ASMTL: variants seen among roughly 807,000 people sequenced by gnomAD.
The protein encoded by ASMTL is probable bifunctional dTTP/UTP pyrophosphatase/methyltransferase protein.
Under a neutral mutation model 60.3 loss-of-function variants are expected in ASMTL, and 57 were observed. That is an observed-to-expected ratio of 0.95 (90% CI 0.76 to 1.18). The LOEUF (loss-of-function observed/expected upper bound fraction) is 1.18. Ranked by LOEUF, ASMTL falls within the 50% of genes most tolerant of loss-of-function variation. The probability of loss-of-function intolerance (pLI) is 0.00; values close to 1 mark genes in which losing one functional copy is unlikely to be tolerated. For missense variants in ASMTL, 981 were observed against 852.6 expected (o/e 1.15, Z -1.88); for synonymous variants, 419 against 373.0 (o/e 1.12, Z -1.42).
In ASMTL at chrX:1,421,688, C is replaced by A. The variant is rs371234749; in HGVS notation, c.1215G>T (p.Ala405=). The change falls in exon 9 of 13, where the codon GCG becomes GCT. Residue 405 remains alanine (A), a synonymous_variant. Coordinates refer to ENST00000381317, the MANE Select transcript of ASMTL (RefSeq NM_004192.4). ...IREGTNQHHR[A]LGKKAEDLFQ... is the part of the protein sequence containing the mutation. Reference sequence around the variant, plus strand: ...ACAGATCTTCCGCCTTCTTCCCCAACGCCCTGTGGTGCTGGTTTGTTCCCT... The same window carrying A: ...ACAGATCTTCCGCCTTCTTCCCCAAAGCCCTGTGGTGCTGGTTTGTTCCCT... 3 of 1,613,786 alleles carry A rather than the reference C, an allele frequency of 1.9e-6. No individual in the cohort carries two copies. Among genetic ancestry groups the A allele is most frequent in the Non-Finnish European group, 2.5e-6 (3 of 1,179,854 alleles).
At position 1,428,136 on chromosome X, in the gene ASMTL, G is replaced by A. The variant is rs753530356; in HGVS notation, c.510-15C>T. 1.9e-6 allele frequency: 3 copies of A among 1,593,806 alleles called. No individual in the cohort carries two copies. Among genetic ancestry groups the A allele is most frequent in the Admixed American group, 3.4e-5 (2 of 59,386 alleles). ...CAGCTTTGTCCCTGGGTGGGCAGGG[G>A]AAGGTAAGAGGTGACAAGGAGGAGA... is the stretch of plus-strand genomic sequence containing the variant. On this transcript the variant is annotated splice_polypyrimidine_tract_variant and intron_variant, in intron 6 of 12. Transcript: ENST00000381317.
chrX:1,433,765 G>T (rs773964110), intron 5 of ASMTL, among the ~76,000 whole-genome samples: 1 of 151,982 alleles, frequency 6.6e-6, no homozygotes, highest in East Asian at 1.9e-4. Context: ...GCAGAGCTGT[G>T]CCACGGCGGG....
intron 11 of ASMTL, 189 bp downstream of exon 11, chrX:1,417,784 G>T: frequency 4.9e-6 from 1 of 204,902 alleles, no homozygotes; most frequent in Non-Finnish European, 7.2e-6. Context: ...ATGCTCCAGG[G>T]CATACCACAC....
chrX:1,450,102 CACCAGTAACTATCACCCCATT>C (rs2091326118), intron 1 of ASMTL, among the ~76,000 whole-genome samples: 1 of 151,440 alleles, frequency 6.6e-6, no homozygotes, highest in East Asian at 1.9e-4. Context: ...ACTATCCCAT[CACCAGTAACTATCACCCCATT>C]ACCAGTAACT....
chrX:1,447,304 C>T (rs766243130), intron 1 of ASMTL, among the ~76,000 whole-genome samples: 5 of 152,346 alleles, frequency 3.3e-5, no homozygotes, highest in Non-Finnish European at 7.3e-5. Context: ...CCCATTACAC[C>T]ATCTTGGACA....
At chrX:1,422,212 A>G (rs2090501029) in intron 8 of ASMTL, among the ~76,000 whole-genome samples, 1 of 152,102 alleles carries the variant, frequency 6.6e-6, no homozygotes, top group Non-Finnish European at 1.5e-5. Flanking sequence ...GGTGTGCTGT[A>G]GCTGGCGTTT....
intron 7 of ASMTL, among the ~76,000 whole-genome samples, chrX:1,426,158 C>T (rs760819029): frequency 3.3e-4 from 50 of 152,066 alleles, no homozygotes; most frequent in African/African-American, 9.2e-4. Context: ...AGGGAGAAGA[C>T]AGCATCTCCA....
At chrX:1,435,816 AGTCCCACG>A in intron 3 of ASMTL, 58 bp from the exon 4 acceptor site, 1 of 1,411,652 alleles carries the variant, frequency 7.1e-7, no homozygotes, top group East Asian at 2.3e-5. Context: ...GGCCTGTGCA[AGTCCCACG>A]GTCCCATTCG....
chrX:1,453,309 G>T (rs1238693580), upstream of ASMTL, among the ~76,000 whole-genome samples: 7 of 147,546 alleles, frequency 4.7e-5, no homozygotes, highest in Non-Finnish European at 1.0e-4. Flanking sequence ...CCGCCATTGA[G>T]CTCCCCGTGA....
intron 7 of ASMTL, among the ~76,000 whole-genome samples, chrX:1,427,021 A>AAG (rs2090632169): frequency 6.6e-6 from 1 of 151,764 alleles, no homozygotes; most frequent in South Asian, 2.1e-4. Context: ...GAAAAAGAAA[A>AAG]AAGGGTCTTT....
rs1603450007 is a variant in ASMTL at position 1,403,242 on chromosome X, C to T, written c.*27G>A. The T allele has an allele frequency of 1.2e-6, 2 of 1,600,520 alleles. No individual in the cohort carries two copies. The highest frequency in any genetic ancestry group is 8.5e-7 in the Non-Finnish European group (1 of 1,169,744). On this transcript the variant is annotated 3_prime_UTR_variant, in exon 13 of 13. Coordinates refer to ENST00000381317, the MANE Select transcript of ASMTL (RefSeq NM_004192.4). ...CCACCTGCAGCCTGGGGGAGGACATCCCTATAATGAACATGCTGCCTGGGC... is the reference window on the plus strand; with the variant it reads ...CCACCTGCAGCCTGGGGGAGGACATTCCTATAATGAACATGCTGCCTGGGC...
At position 1,452,873 on chromosome X, in the gene ASMTL, T is replaced by C; in HGVS notation, c.-33A>G. The C allele has an allele frequency of 6.7e-7, 1 of 1,485,396 alleles. No homozygotes were observed. The highest frequency in any genetic ancestry group is 9.0e-7 in the Non-Finnish European group (1 of 1,114,766). The allele number at this position is 1,485,396 out of a possible 1,614,324, so 92.0% of individuals were successfully genotyped here. ...ACGCCGGGAGCCGGGCGTCCGCACT[T>C]CTGAGCCCGGAGCCCGCGGTGCGCG... On this transcript the variant is annotated 5_prime_UTR_variant, in exon 1 of 13. Transcript: ENST00000381317.
In ASMTL at chrX:1,427,882, T is replaced by A; in HGVS notation, c.749A>T (p.Gln250Leu). The A allele has an allele frequency of 6.2e-7, 1 of 1,613,244 alleles. No homozygotes were observed. Among genetic ancestry groups the A allele is most frequent in the Non-Finnish European group, 8.5e-7 (1 of 1,179,828 alleles). The change falls in exon 7 of 13, where the codon CAG (glutamine) becomes CTG (leucine). Residue 250 changes from glutamine to leucine, a missense_variant. Physicochemically the swap from Gln to Leu is moderately radical, Grantham distance 113 (BLOSUM62 -2). Coordinates refer to ENST00000381317, the MANE Select transcript of ASMTL (RefSeq NM_004192.4). Reference protein sequence around the residue: ...DVEGGGSEPTQRDAGSRDEKA... With the variant: ...DVEGGGSEPTLRDAGSRDEKA... Reference sequence around the variant, plus strand: ...CTCATCGCGGCTGCCCGCGTCCCTCTGAGTGGGCTCCGAGCCGCCCCCCTC... The same window carrying A: ...CTCATCGCGGCTGCCCGCGTCCCTCAGAGTGGGCTCCGAGCCGCCCCCCTC...
chrX:1,404,201 A>G (rs183900852), intron 12 of ASMTL, among the ~76,000 whole-genome samples: 1 of 150,168 alleles, frequency 6.7e-6, no homozygotes, highest in African/African-American at 2.5e-5. Context: ...CATGGATGAG[A>G]TGGATGGGTG....
At chrX:1,431,214 TTATA>T (rs1287055481) in intron 6 of ASMTL, among the ~76,000 whole-genome samples, 2 of 124,110 alleles carry the variant, frequency 1.6e-5, no homozygotes, top group Non-Finnish European at 3.1e-5. Flanking sequence ...TTATAATTAA[TTATA>T]TATAATTATA....
chrX:1,427,871 C>A lies in ASMTL; in HGVS notation c.760G>T (p.Gly254Cys). The change falls in exon 7 of 13, where the codon GGC becomes TGC. Residue 254 changes from glycine to cysteine, a missense_variant. Coordinates refer to ENST00000381317, the MANE Select transcript of ASMTL (RefSeq NM_004192.4). ...GCCTCGGCCTTCTCATCGCGGCTGCCCGCGTCCCTCTGAGTGGGCTCCGAG... is the reference window on the plus strand; with the variant it reads ...GCCTCGGCCTTCTCATCGCGGCTGCACGCGTCCCTCTGAGTGGGCTCCGAG... The part of the protein sequence containing the change: ...GGSEPTQRDA[G>C]SRDEKAEAGE... 1 of 1,613,264 alleles carries A rather than the reference C, an allele frequency of 6.2e-7. No individual in the cohort carries two copies. The highest frequency in any genetic ancestry group is 8.5e-7 in the Non-Finnish European group (1 of 1,179,838).
intron 5 of ASMTL, among the ~76,000 whole-genome samples, chrX:1,433,143 GGGTCCGGACACA>G (rs1569533927): frequency 6.6e-6 from 1 of 152,060 alleles, no homozygotes; most frequent in Non-Finnish European, 1.5e-5. Context: ...CTGTGCCTCA[GGGTCCGGACACA>G]GAGCCCCTGA....
rs1228797862 is a variant in ASMTL, at chrX:1,432,249, C to T, written c.509+20G>A. The T allele has an allele frequency of 1.9e-6, 3 of 1,589,662 alleles. No homozygotes were observed. The highest frequency in any genetic ancestry group is 4.5e-5 in the East Asian group (2 of 44,640). ...GCTTCCACACGTGTCCCCCGTCCCC[C>T]CACCGCCCCCGAGACTCACATGGGC... On this transcript the variant is annotated intron_variant, in intron 6 of 12. Transcript: ENST00000381317.
At chrX:1,437,071 T>C (rs1231376385) in intron 3 of ASMTL, among the ~76,000 whole-genome samples, 1 of 150,210 alleles carries the variant, frequency 6.7e-6, no homozygotes, top group Non-Finnish European at 1.5e-5. Context: ...TCTCCTCTTC[T>C]TATGAGATGC....
Sources: gnomAD v4.1 joint callset for allele counts (sites outside exome capture counted in the v4.1 genomes callset) on GRCh38, gnomAD v4.1.1 for gene constraint, MANE v1.5 for transcripts, NCBI Gene and HGNC (gene_info 2026-07-23, HGNC 2026-07-21) for gene names.